GALNTL6: variants seen among roughly 807,000 people sequenced by gnomAD.
The protein encoded by GALNTL6 is polypeptide N-acetylgalactosaminyltransferase like 6, also known as polypeptide N-acetylgalactosaminyltransferase-like 6.
A neutral mutation model predicts 73.7 loss-of-function variants in GALNTL6; 46 were observed. The ratio of observed to expected loss-of-function variants is 0.62; its 90% confidence interval spans 0.49 to 0.80. The LOEUF (loss-of-function observed/expected upper bound fraction) is 0.80, where lower values mean the gene tolerates loss of function less well. GALNTL6 is among the 30% of genes least tolerant of loss of function. The pLI, the probability that GALNTL6 is intolerant of heterozygous loss-of-function variation, is 0.00. For synonymous variants in GALNTL6, 259 were observed against 263.7 expected (o/e 0.98, Z 0.17); for missense variants, 604 against 755.0 (o/e 0.80, Z 2.34).
intron 5 of GALNTL6, among the ~76,000 whole-genome samples, chr4:172,630,035 G>A (rs992172139): frequency 6.6e-6 from 1 of 152,172 alleles, no homozygotes; most frequent in Admixed American, 6.5e-5. Flanking sequence ...TGTTCAGGAA[G>A]ATTATGATGC....
chr4:172,905,833 AAAAGG>A (rs1487814570), intron 8 of GALNTL6, among the ~76,000 whole-genome samples: 1 of 150,638 alleles, frequency 6.6e-6, no homozygotes, highest in African/African-American at 2.4e-5. Context: ...AAAAAAAAAA[AAAAGG>A]AGAACAAGAA....
intron 5 of GALNTL6, among the ~76,000 whole-genome samples, chr4:172,738,236 G>A (rs1004464156): frequency 6.6e-6 from 1 of 152,200 alleles, no homozygotes; most frequent in African/African-American, 2.4e-5. Flanking sequence ...CTCACAGGTG[G>A]TGCCTGGGCA....
intron 10 of GALNTL6, among the ~76,000 whole-genome samples, chr4:173,004,290 T>C (rs1317599167): frequency 2.6e-5 from 4 of 152,204 alleles, no homozygotes; most frequent in Admixed American, 2.6e-4. Flanking sequence ...CCTAGTGTCT[T>C]CTGTCTTTCC....
chr4:172,359,034 T>C (rs1578991688), intron 5 of GALNTL6, among the ~76,000 whole-genome samples: 1 of 152,184 alleles, frequency 6.6e-6, no homozygotes, highest in East Asian at 1.9e-4. Flanking sequence ...TTACTGGGTA[T>C]GTACCCAAAG....
chr4:172,562,053 T>C (rs536162644), intron 5 of GALNTL6, among the ~76,000 whole-genome samples: 2 of 152,316 alleles, frequency 1.3e-5, no homozygotes, highest in East Asian at 3.9e-4. Flanking sequence ...AATTTTTTTA[T>C]TCATAGGGTG....
intron 5 of GALNTL6, among the ~76,000 whole-genome samples, chr4:172,600,755 A>G (rs1738025078): frequency 6.6e-6 from 1 of 151,642 alleles, no homozygotes; most frequent in Non-Finnish European, 1.5e-5. Flanking sequence ...GAGAGTAAAG[A>G]CCATTCTAGA....
chr4:172,722,976 G>GT (rs1735572707), intron 5 of GALNTL6, among the ~76,000 whole-genome samples: 1 of 152,152 alleles, frequency 6.6e-6, no homozygotes, highest in African/African-American at 2.4e-5. Context: ...AAATGAGGGT[G>GT]TTGGCAGGAC....
intron 5 of GALNTL6, among the ~76,000 whole-genome samples, chr4:172,662,583 A>G (rs769876699): frequency 5.9e-5 from 9 of 152,210 alleles, no homozygotes; most frequent in Admixed American, 5.2e-4. Flanking sequence ...AGTAAACTGC[A>G]TCATACTAAG....
chr4:172,282,095 T>A (rs1438768736), intron 3 of GALNTL6, among the ~76,000 whole-genome samples: 1 of 152,192 alleles, frequency 6.6e-6, no homozygotes, highest in Non-Finnish European at 1.5e-5. Flanking sequence ...CATCAAAATG[T>A]ATTGAGTGAA....
chr4:173,007,972 T>C (rs946369861), intron 10 of GALNTL6, among the ~76,000 whole-genome samples: 18 of 152,224 alleles, frequency 1.2e-4, no homozygotes, highest in Non-Finnish European at 1.9e-4. Flanking sequence ...TTTTTTCCAC[T>C]CTGCAAATTT....
At chr4:172,711,065 A>C (rs553320967) in intron 5 of GALNTL6, among the ~76,000 whole-genome samples, 1 of 152,302 alleles carries the variant, frequency 6.6e-6, no homozygotes, top group East Asian at 1.9e-4. Flanking sequence ...TGTGTAATAT[A>C]AAAGAATTTT....
chr4:171,991,116 A>T lies in GALNTL6; in HGVS notation c.138+176398A>T, dbSNP rs537544828. 3.9e-5 allele frequency among the ~76,000 whole-genome samples: 6 copies of T among 152,268 alleles called. No individual in the cohort carries two copies. In the South Asian group the frequency reaches 6.2e-4, roughly 16 times the overall value. On this transcript the variant is annotated intron_variant, in intron 2 of 12. Coordinates refer to ENST00000506823, the MANE Select transcript of GALNTL6 (RefSeq NM_001034845.3). ...GAAAAAATTAATAACCTTCCAAAAG[A>T]TCAATGAAAAAACAATCAAGATACG... is the stretch of plus-strand genomic sequence containing the variant.
chr4:172,670,650 T>C (rs181759255), intron 5 of GALNTL6, among the ~76,000 whole-genome samples: 1 of 152,338 alleles, frequency 6.6e-6, no homozygotes, highest in East Asian at 1.9e-4. Flanking sequence ...AGCACTTTAG[T>C]TTAACTAGAT....
At chr4:171,848,368 T>G (rs1004001797) in intron 2 of GALNTL6, among the ~76,000 whole-genome samples, 6 of 152,190 alleles carry the variant, frequency 3.9e-5, no homozygotes, top group Admixed American at 3.3e-4. Context: ...TTAAGGGCTC[T>G]AGGAATTTCA....
At chr4:171,842,465 T>TA (rs2110845275) in intron 2 of GALNTL6, among the ~76,000 whole-genome samples, 1 of 152,242 alleles carries the variant, frequency 6.6e-6, no homozygotes, top group African/African-American at 2.4e-5. Context: ...TATGAAGAAA[T>TA]ACCTGAGGCT....
At chr4:172,379,297 G>A (rs12649454) in intron 5 of GALNTL6, among the ~76,000 whole-genome samples, 122,566 of 151,996 alleles carry the variant, frequency 0.81, 50,332 homozygotes, top group Non-Finnish European at 0.88. Context: ...TTGGGAGGCC[G>A]AGGCGGGTGG....
intron 2 of GALNTL6, among the ~76,000 whole-genome samples, chr4:172,100,254 T>A (rs1357430502): frequency 6.6e-6 from 1 of 152,138 alleles, no homozygotes; most frequent in Non-Finnish European, 1.5e-5. Context: ...GTGCAAGATG[T>A]ATAATGTGGT....
At chr4:172,444,247 G>A (rs1193417209) in intron 5 of GALNTL6, among the ~76,000 whole-genome samples, 1 of 152,190 alleles carries the variant, frequency 6.6e-6, no homozygotes, top group Non-Finnish European at 1.5e-5. Context: ...TGCCTTAAGT[G>A]ATCTAACGGT....
chr4:172,177,752 T>TGTACACATATATATACAC (rs1560955363), intron 2 of GALNTL6, among the ~76,000 whole-genome samples: 5 of 132,736 alleles, frequency 3.8e-5, no homozygotes, highest in African/African-American at 1.8e-4. Context: ...TGTGTATATA[T>TGTACACATATATATACAC]ATGTGTGTAT....
Sources: allele counts gnomAD v4.1 joint callset (sites outside exome capture counted in the v4.1 genomes callset), GRCh38; gene constraint gnomAD v4.1.1; transcripts MANE v1.5; gene names NCBI Gene and HGNC (gene_info 2026-07-23, HGNC 2026-07-21).